Variants in ADAM12 observed in about 807,000 individuals in gnomAD.
ADAM12 encodes the protein ADAM metallopeptidase domain 12.
Under a neutral mutation model 106.4 loss-of-function variants are expected in ADAM12, and 70 were observed. The ratio of observed to expected loss-of-function variants is 0.66; its 90% CI spans 0.54 to 0.80. ADAM12 has a LOEUF of 0.80. ADAM12 is among the 30% of genes least tolerant of loss of function. ADAM12 has a pLI of 0.00. For synonymous variants in ADAM12, 420 were observed against 433.5 expected (o/e 0.97, Z 0.39); for missense variants, 1,010 against 1,171.9 (o/e 0.86, Z 2.02).
intron 1 of ADAM12, among the ~76,000 whole-genome samples, chr10:126,383,828 C>T (rs777208090): frequency 7.2e-5 from 11 of 152,048 alleles, no homozygotes; most frequent in Non-Finnish European, 1.3e-4. Flanking sequence ...AGACACATTC[C>T]AACCTTTGTT....
At chr10:126,274,346 C>A (rs556258138) in intron 3 of ADAM12, among the ~76,000 whole-genome samples, 1 of 152,318 alleles carries the variant, frequency 6.6e-6, no homozygotes, top group African/African-American at 2.4e-5. Flanking sequence ...TAGGACCCAC[C>A]ACATATACCC....
In ADAM12 at chr10:126,159,810, C is replaced by G. The variant is rs148483978; in HGVS notation, c.261-4505G>C. ...TGTGACTCAGAACAGCAATACAAAG[C>G]CCTAAAACTACCCACTGCTCCTCAT... On this transcript the variant is annotated intron_variant, in intron 3 of 22. Coordinates refer to ENST00000448723, the MANE Select transcript of ADAM12 (RefSeq NM_001288973.2). 1.4e-3 allele frequency among the ~76,000 whole-genome samples: 210 copies of G among 152,242 alleles called. 2 individuals carry two copies. The highest frequency in any genetic ancestry group is 4.9e-3 in the African/African-American group (204 of 41,528).
intron 8 of ADAM12, among the ~76,000 whole-genome samples, chr10:126,107,048 G>A (rs1955785471): frequency 6.6e-6 from 1 of 152,118 alleles, no homozygotes; most frequent in African/African-American, 2.4e-5. Context: ...TACAATATGA[G>A]CATGCATGTA....
intron 11 of ADAM12, among the ~76,000 whole-genome samples, chr10:126,083,820 C>T (rs560997173): frequency 6.6e-6 from 1 of 152,318 alleles, no homozygotes; most frequent in Admixed American, 6.5e-5. Flanking sequence ...CAGCGGTGCA[C>T]AGGGACACAG....
At chr10:126,037,230 G>A (rs1487933997) in intron 20 of ADAM12, among the ~76,000 whole-genome samples, 2 of 149,722 alleles carry the variant, frequency 1.3e-5, no homozygotes, top group East Asian at 3.9e-4. Context: ...TCCTTTTACT[G>A]GTTGATGGAT....
At chr10:126,038,187 A>G in intron 20 of ADAM12, 54 bp downstream of exon 20, 1 of 1,469,360 alleles carries the variant, frequency 6.8e-7, no homozygotes, top group Non-Finnish European at 9.4e-7. Context: ...TCTCGTATTG[A>G]AAACCTCATG....
At chr10:126,159,447 A>T (rs1297617936) in intron 3 of ADAM12, among the ~76,000 whole-genome samples, 1 of 152,132 alleles carries the variant, frequency 6.6e-6, no homozygotes, top group African/African-American at 2.4e-5. Context: ...CTTCTATCAC[A>T]TCCTTTATTA....
intron 21 of ADAM12, among the ~76,000 whole-genome samples, chr10:126,020,305 T>C (rs191254112): frequency 2.0e-5 from 3 of 152,304 alleles, no homozygotes; most frequent in Admixed American, 6.5e-5. Context: ...CAGGCGCTGT[T>C]CCACATGTTG....
In ADAM12 at chr10:126,190,990, C is replaced by CTTTT. The variant is rs10669948; in HGVS notation, c.261-35689_261-35686dup. 1.8e-4 allele frequency among the ~76,000 whole-genome samples: 12 copies of CTTTT among 67,952 alleles called. 2 individuals carry two copies. The highest frequency in any genetic ancestry group is 2.2e-4 in the Non-Finnish European group (9 of 40,872). 44.6% of individuals were successfully genotyped at this position (67,952 alleles called of 152,430 possible). On this transcript the variant is annotated intron_variant, in intron 3 of 22. Coordinates refer to ENST00000448723, the MANE Select transcript of ADAM12 (RefSeq NM_001288973.2). Reference sequence around the variant, plus strand: ...TTGAGTTGCCATGAGGAGTTTTGTCCTTTTTTTTTTTTTTTTTTTTTTTTT... The same window carrying CTTTT: ...TTGAGTTGCCATGAGGAGTTTTGTCCTTTTTTTTTTTTTTTTTTTTTTTTTTTTT...
intron 2 of ADAM12, among the ~76,000 whole-genome samples, chr10:126,300,343 G>A: frequency 6.6e-6 from 1 of 152,114 alleles, no homozygotes; most frequent in East Asian, 1.9e-4. Flanking sequence ...GATAAACAGG[G>A]GGGAAGAGGC....
chr10:126,022,408 T>G (rs1439801111), intron 21 of ADAM12, among the ~76,000 whole-genome samples: 1 of 152,142 alleles, frequency 6.6e-6, no homozygotes, highest in Non-Finnish European at 1.5e-5. Flanking sequence ...ATGAGACAGG[T>G]TGCAAGCAAA....
At chr10:126,306,634 T>C (rs1960856661) in intron 2 of ADAM12, among the ~76,000 whole-genome samples, 1 of 152,220 alleles carries the variant, frequency 6.6e-6, no homozygotes, top group African/African-American at 2.4e-5. Flanking sequence ...AAGAGAATTT[T>C]CTCCCAGTTT....
At chr10:126,123,247 CT>C (rs1388728133) in intron 5 of ADAM12, among the ~76,000 whole-genome samples, 5 of 152,222 alleles carry the variant, frequency 3.3e-5, no homozygotes, top group Non-Finnish European at 7.3e-5. Context: ...TCTCACAGCC[CT>C]TACTGGCCCT....
At chr10:126,286,890 A>G (rs754907667) in intron 2 of ADAM12, among the ~76,000 whole-genome samples, 5 of 152,208 alleles carry the variant, frequency 3.3e-5, no homozygotes, top group Non-Finnish European at 7.4e-5. Flanking sequence ...TTAGGTTTAT[A>G]ATGCAGTTGG....
Position 126,046,074 on chromosome 10 carries a change from A to G in ADAM12, c.1976T>C (p.Met659Thr). 1 of 1,614,202 alleles carries G rather than the reference A, an allele frequency of 6.2e-7. No homozygotes were observed. The highest frequency in any genetic ancestry group is 2.2e-5 in the East Asian group (1 of 44,886). Residue 659 changes from methionine (M) to threonine (T), a missense_variant, in exon 17 of 23, where the codon ATG becomes ACG. Met to Thr is a moderately conservative substitution (Grantham distance 81). Transcript: ENST00000448723. ...ACTCACCCCTCTGCCGTGGCACTGC[A>G]TTGCACACTCGTGAACCCCAAAGAC... ...ISVFGVHECA[M>T]QCHGRGVCNN... is the part of the protein sequence containing the mutation.
At chr10:126,271,438 C>G (rs1049207947) in intron 3 of ADAM12, among the ~76,000 whole-genome samples, 1 of 152,222 alleles carries the variant, frequency 6.6e-6, no homozygotes, top group East Asian at 1.9e-4. Context: ...ACCACACCCG[C>G]TCTACCCTCC....
At chr10:126,041,659 T>C in intron 18 of ADAM12, 6 of 989,384 alleles carry the variant, frequency 6.1e-6, no homozygotes, top group Non-Finnish European at 7.2e-6. Flanking sequence ...TATTTTCATA[T>C]AATAAATGCT....
chr10:126,148,745 A>G (rs1017870632), intron 4 of ADAM12, among the ~76,000 whole-genome samples: 4 of 152,178 alleles, frequency 2.6e-5, no homozygotes, highest in African/African-American at 9.7e-5. Flanking sequence ...ATGACTGCCA[A>G]AAAAGAGGCT....
At chr10:126,035,933 GTAAAT>G (rs1207600219) in intron 21 of ADAM12, among the ~76,000 whole-genome samples, 1 of 150,186 alleles carries the variant, frequency 6.7e-6, no homozygotes, top group Admixed American at 6.6e-5. Flanking sequence ...ATTATAACTA[GTAAAT>G]TAAAATATAT....
Sources: allele counts gnomAD v4.1 joint callset (sites outside exome capture counted in the v4.1 genomes callset), GRCh38; gene constraint gnomAD v4.1.1; transcripts MANE v1.5; gene names NCBI Gene and HGNC (gene_info 2026-07-23, HGNC 2026-07-21).